GPN2: variants seen among roughly 807,000 people sequenced by gnomAD.
The protein encoded by GPN2 is GPN-loop GTPase 2.
GPN2 carries 27 observed loss-of-function variants against 30.1 expected under a neutral mutation model. The ratio of observed to expected loss-of-function variants is 0.90; its 90% CI spans 0.66 to 1.24. The LOEUF is 1.24. Among genes scored for constraint, GPN2 ranks in the 50% most tolerant of loss-of-function variants. The probability of loss-of-function intolerance (pLI) is 0.00; values close to 1 mark genes in which losing one functional copy is unlikely to be tolerated. For synonymous variants in GPN2, 212 were observed against 174.4 expected (o/e 1.22, Z -1.70); for missense variants, 406 against 405.4 (o/e 1.00, Z -0.01).
At position 26,879,530 on chromosome 1, in the gene GPN2, G is replaced by C. The variant is rs2081854437; in HGVS notation, c.*147C>G. The C allele has an allele frequency of 1.5e-6, 1 of 649,356 alleles. No individual in the cohort carries two copies. Among genetic ancestry groups the C allele is most frequent in the South Asian group, 1.8e-5 (1 of 56,744 alleles). The allele number at this position is 649,356 out of a possible 1,614,324, so 40.2% of individuals were successfully genotyped here. A position where few individuals can be genotyped will look rare whatever the true frequency, so the allele number is the denominator to read the frequency against. On this transcript the variant is annotated 3_prime_UTR_variant, in exon 5 of 5. Transcript: ENST00000374135. ...GGCACCATGTCTGGCTTTTTGGCCAGAAGTCCTTTGCAGAGCTGAATATCC... is the reference window on the plus strand; with the variant it reads ...GGCACCATGTCTGGCTTTTTGGCCACAAGTCCTTTGCAGAGCTGAATATCC...
At chr1:26,880,173 A>G (rs1032932758) in intron 4 of GPN2, among the ~76,000 whole-genome samples, 9 of 152,306 alleles carry the variant, frequency 5.9e-5, no homozygotes, top group African/African-American at 2.2e-4. Flanking sequence ...ACCAAAACCA[A>G]GGTTTGAACT....
Position 26,890,047 on chromosome 1 carries a change from G to A in GPN2, c.50C>T (p.Pro17Leu). Residue 17 changes from proline to leucine, a missense_variant, in exon 1 of 5, where the codon CCG (proline) becomes CTG (leucine). Pro to Leu is a moderately conservative substitution (Grantham distance 98, BLOSUM62 -3). Coordinates refer to ENST00000374135, the MANE Select transcript of GPN2 (RefSeq NM_018066.4). ...TTAFGQAVIG[P>L]PGSGKTTYCL... is the part of the protein sequence containing the mutation. ...GTACGTGGTCTTCCCTGAGCCCGGC[G>A]GGCCGATCACCGCCTGCCCGAAGGC... 3 of 1,585,984 alleles carry A rather than the reference G, an allele frequency of 1.9e-6. No homozygotes were observed. The highest frequency in any genetic ancestry group is 2.6e-6 in the Non-Finnish European group (3 of 1,172,246).
rs2124289571 is a variant in GPN2 at position 26,877,695 on chromosome 1, T to A, written c.*1982A>T. 6.6e-6 allele frequency: 1 copy of A among 152,370 alleles called. No individual in the cohort carries two copies. The highest frequency in any genetic ancestry group is 2.4e-5 in the African/African-American group (1 of 41,586). 9.4% of individuals were successfully genotyped at this position (152,370 alleles called of 1,614,324 possible). A position where few individuals can be genotyped will look rare whatever the true frequency, so the allele number is the denominator to read the frequency against. On this transcript the variant is annotated 3_prime_UTR_variant, in exon 5 of 5. Transcript: ENST00000374135. ...TCCTGTCTATCTCTAATGAGGATTG[T>A]GTGTGTGGAAGCACTCTAAAATACC... is the stretch of plus-strand genomic sequence containing the variant.
At chr1:26,888,031 T>C (rs969758005) in intron 2 of GPN2, among the ~76,000 whole-genome samples, 1 of 151,978 alleles carries the variant, frequency 6.6e-6, no homozygotes, top group Non-Finnish European at 1.5e-5. Context: ...GCTACTTTTT[T>C]GTATTTTTAG....
chr1:26,889,149 G>C, intron 1 of GPN2, 24 bp from the exon 2 acceptor site: 2 of 1,597,964 alleles, frequency 1.3e-6, no homozygotes. Context: ...GACAGGGTGA[G>C]AGTGGCCTGG....
intron 2 of GPN2, chr1:26,886,335 C>CAT (rs2081891001): frequency 1.6e-6 from 1 of 617,902 alleles, no homozygotes; most frequent in East Asian, 3.1e-5. Context: ...GTATCTACTT[C>CAT]ATAGGACTGT....
Position 26,884,286 on chromosome 1 carries a change from T to C in GPN2, c.734A>G (p.Lys245Arg). The change falls in exon 4 of 5, where the codon AAG becomes AGG. Residue 245 changes from lysine to arginine, a missense_variant. Transcript: ENST00000374135. The stretch of plus-strand genomic sequence containing the variant: ...CTGCAGGACTCGCTGGATGCTCTCC[T>C]TGTCCTGAGCAGGGAGGAGAGAAAC... ...VSFIPLNIQD[K>R]ESIQRVLQAV... 6.2e-7 allele frequency: 1 copy of C among 1,610,072 alleles called. No individual in the cohort carries two copies.
intron 3 of GPN2, among the ~76,000 whole-genome samples, chr1:26,885,384 T>C (rs2081885280): frequency 6.6e-6 from 1 of 152,044 alleles, no homozygotes; most frequent in African/African-American, 2.4e-5. Context: ...CCTGGTGAAC[T>C]TTCTTGCTGA....
chr1:26,879,304 G>A lies in GPN2; in HGVS notation c.*373C>T, dbSNP rs373832524. The A allele has an allele frequency of 6.2e-5, 14 of 227,550 alleles. No individual in the cohort carries two copies. In the East Asian group the frequency reaches 1.2e-3, roughly 20 times the overall value. The allele number at this position is 227,550 out of a possible 1,614,324, so 14.1% of individuals were successfully genotyped here. On this transcript the variant is annotated 3_prime_UTR_variant, in exon 5 of 5. Coordinates refer to ENST00000374135, the MANE Select transcript of GPN2 (RefSeq NM_018066.4). ...TTGGGGAAATACTGATTATTCCAAG[G>A]CTAGGTGACACTCCCTCATTCTTCC...
rs1460828667 is a variant in GPN2 at position 26,886,519 on chromosome 1, A to G, written c.569-386T>C. 6 of 449,614 alleles carry G rather than the reference A, an allele frequency of 1.3e-5. No homozygotes were observed. In the East Asian group the frequency reaches 3.5e-4, roughly 26 times the overall value. The allele number at this position is 449,614 out of a possible 1,614,324, so 27.9% of individuals were successfully genotyped here. A position where few individuals can be genotyped will look rare whatever the true frequency, so the allele number is the denominator to read the frequency against. On this transcript the variant is annotated intron_variant, in intron 2 of 4. Coordinates refer to ENST00000374135, the MANE Select transcript of GPN2 (RefSeq NM_018066.4). ...AGACCAGCCAACATGGTGAAACTCC[A>G]TTTCTCCTAAAAATACAAAATTAGG...
chr1:26,880,992 G>A (rs1236065067), intron 4 of GPN2, among the ~76,000 whole-genome samples: 1 of 152,206 alleles, frequency 6.6e-6, no homozygotes, highest in Non-Finnish European at 1.5e-5. Flanking sequence ...CTCTCTTACA[G>A]AGAGCTGCTG....
At position 26,879,233 on chromosome 1, in the gene GPN2, G is replaced by A. The variant is rs74062534; in HGVS notation, c.*444C>T. ...TGAAGATTAATAAAAACACATGACT[G>A]GAGACTGAATGTAAATCCTATGTGA... On this transcript the variant is annotated 3_prime_UTR_variant, in exon 5 of 5. Coordinates refer to ENST00000374135, the MANE Select transcript of GPN2 (RefSeq NM_018066.4). The A allele has an allele frequency of 0.011, 1,850 of 165,192 alleles. 39 individuals are homozygous for A. The highest frequency in any genetic ancestry group is 0.042 in the African/African-American group (1,777 of 42,102). The allele number at this position is 165,192 out of a possible 1,614,324, so 10.2% of individuals were successfully genotyped here.
rs144701360 is a variant in GPN2 at position 26,880,642 on chromosome 1, A to G, written c.861-893T>C. Reference sequence around the variant, plus strand: ...AAATTTTTATACTTTAAAAAAAAAAAAGAGAGAGAGATGGGGTCTCACTAT... The same window carrying G: ...AAATTTTTATACTTTAAAAAAAAAAGAGAGAGAGAGATGGGGTCTCACTAT... On this transcript the variant is annotated intron_variant, in intron 4 of 4. Transcript: ENST00000374135. Among the ~76,000 whole-genome samples the G allele has an allele frequency of 3.4e-3, 524 of 152,170 alleles. 2 individuals carry two copies. Among genetic ancestry groups the G allele is most frequent in the Middle Eastern group, 6.8e-3 (2 of 294 alleles).
intron 4 of GPN2, among the ~76,000 whole-genome samples, chr1:26,880,411 C>T (rs2081858522): frequency 6.6e-6 from 1 of 152,154 alleles, no homozygotes; most frequent in Admixed American, 6.5e-5. Context: ...CTCCCTGGTT[C>T]AAGCAATTCT....
intron 2 of GPN2, among the ~76,000 whole-genome samples, chr1:26,886,728 G>A (rs1358955413): frequency 1.3e-5 from 2 of 152,082 alleles, no homozygotes; most frequent in Non-Finnish European, 2.9e-5. Flanking sequence ...TGAGGCAGGA[G>A]AATGGCGTGA....
Position 26,878,954 on chromosome 1 carries a change from T to C in GPN2, c.*723A>G, listed in dbSNP as rs1318243568. ...AAAACTAGTTAACACTTGTCAACAATAGAATAAAACCATAAAACAAATACA... is the reference window on the plus strand; with the variant it reads ...AAAACTAGTTAACACTTGTCAACAACAGAATAAAACCATAAAACAAATACA... On this transcript the variant is annotated 3_prime_UTR_variant, in exon 5 of 5. Coordinates refer to ENST00000374135, the MANE Select transcript of GPN2 (RefSeq NM_018066.4). 2 of 152,204 alleles carry C rather than the reference T, an allele frequency of 1.3e-5. No homozygotes were observed. The highest frequency in any genetic ancestry group is 6.5e-5 in the Admixed American group (1 of 15,270). The allele number at this position is 152,204 out of a possible 1,614,324, so 9.4% of individuals were successfully genotyped here.
At chr1:26,886,620 C>T (rs1457577277) in intron 2 of GPN2, 1 of 358,526 alleles carries the variant, frequency 2.8e-6, no homozygotes, top group African/African-American at 2.1e-5. Flanking sequence ...AGATCGAGAC[C>T]ATCCTGGCTA....
In GPN2 at chr1:26,879,756, A is replaced by T; in HGVS notation, c.861-7T>A. On this transcript the variant is annotated splice_region_variant and splice_polypyrimidine_tract_variant and intron_variant, in intron 4 of 4. Transcript: ENST00000374135. ...CTCCTGGATGCCCAGTGTGCTGAGG[A>T]AGGGTGCGTCAAGGCTGATAGCATA... 1 of 1,611,584 alleles carries T rather than the reference A, an allele frequency of 6.2e-7. No homozygotes were observed. The highest frequency in any genetic ancestry group is 8.5e-7 in the Non-Finnish European group (1 of 1,177,996).
chr1:26,886,589 T>C (rs1054214352), intron 2 of GPN2: 6 of 392,430 alleles, frequency 1.5e-5, no homozygotes, highest in Admixed American at 5.7e-5. Context: ...CTTTGGGAGA[T>C]GGACGGATCA....
Sources: gnomAD v4.1 joint callset for allele counts (sites outside exome capture counted in the v4.1 genomes callset) on GRCh38, gnomAD v4.1.1 for gene constraint, MANE v1.5 for transcripts, NCBI Gene and HGNC (gene_info 2026-07-23, HGNC 2026-07-21) for gene names.